CDH13: variants seen among roughly 807,000 people sequenced by gnomAD.
CDH13 encodes cadherin-13.
In CDH13, 24 loss-of-function variants were observed where a neutral mutation model predicts 63.8. The ratio of observed to expected loss-of-function variants is 0.38; its 90% CI spans 0.27 to 0.53. The LOEUF (loss-of-function observed/expected upper bound fraction) is 0.53, where lower values mean the gene tolerates loss of function less well. Among genes scored for constraint, CDH13 ranks in the 20% least tolerant of loss-of-function variants. The pLI, the probability that CDH13 is intolerant of heterozygous loss-of-function variation, is 0.85. For missense variants in CDH13, 1,049 were observed against 903.1 expected, an observed-to-expected ratio of 1.16 and a Z score of -2.07; for synonymous variants, 503 against 355.3, an observed-to-expected ratio of 1.42 and a Z score of -4.67.
chr16:83,185,081 A>G (rs891967651), intron 4 of CDH13, among the ~76,000 whole-genome samples: 7 of 152,104 alleles, frequency 4.6e-5, no homozygotes, highest in African/African-American at 1.4e-4. Flanking sequence ...GGCCGATACT[A>G]CTACTATCCC....
At chr16:82,822,826 T>C (rs2038065865) in intron 1 of CDH13, among the ~76,000 whole-genome samples, 1 of 152,346 alleles carries the variant, frequency 6.6e-6, no homozygotes, top group East Asian at 1.9e-4. Context: ...ATTAGTGCCT[T>C]AAAATGTCAA....
At chr16:83,566,690 C>T (rs1218528795) in intron 7 of CDH13, among the ~76,000 whole-genome samples, 3 of 152,200 alleles carry the variant, frequency 2.0e-5, no homozygotes, top group Non-Finnish European at 4.4e-5. Flanking sequence ...CAAAGCCCTG[C>T]TCTCCAGCTC....
At position 83,670,980 on chromosome 16, in the gene CDH13, T is replaced by A. The variant is rs1914449451; in HGVS notation, c.1284+8T>A. ...ATGCTTTCTGTTGTCAAAGTAAGGG[T>A]GCTTCCAATTGCCTCTTTCTCCTCA... On this transcript the variant is annotated splice_region_variant and intron_variant, in intron 9 of 13. Coordinates refer to ENST00000567109, the MANE Select transcript of CDH13 (RefSeq NM_001257.5). 6.4e-7 allele frequency: 1 copy of A among 1,572,758 alleles called. No homozygotes were observed. The highest frequency in any genetic ancestry group is 8.6e-7 in the Non-Finnish European group (1 of 1,157,126).
At chr16:82,885,081 G>A (rs996529199) in intron 2 of CDH13, among the ~76,000 whole-genome samples, 4 of 152,152 alleles carry the variant, frequency 2.6e-5, no homozygotes, top group African/African-American at 9.7e-5. Flanking sequence ...AGCAAGAGAA[G>A]GGGATGTTGT....
chr16:83,269,054 C>CTGTTGG (rs539373270), intron 5 of CDH13, among the ~76,000 whole-genome samples: 45 of 152,358 alleles, frequency 3.0e-4, no homozygotes, highest in African/African-American at 3.8e-4. Flanking sequence ...GACGCTTTTA[C>CTGTTGG]TGTTGGTGTT....
chr16:83,005,023 C>G (rs552035338), intron 2 of CDH13, among the ~76,000 whole-genome samples: 1 of 152,312 alleles, frequency 6.6e-6, no homozygotes, highest in South Asian at 2.1e-4. Flanking sequence ...GAAGTTTCTC[C>G]TAATGCTCCC....
chr16:82,675,585 A>G (rs1913804705), intron 1 of CDH13, among the ~76,000 whole-genome samples: 1 of 152,212 alleles, frequency 6.6e-6, no homozygotes, highest in Admixed American at 6.5e-5. Context: ...CTTTGGTTAA[A>G]GATGCTTTTC....
chr16:83,486,758 A>C, intron 7 of CDH13, 103 bp downstream of exon 7: 8 of 1,043,818 alleles, frequency 7.7e-6, no homozygotes, highest in Non-Finnish European at 1.1e-5. Context: ...TAATACTGTA[A>C]AGGCAGAAAT....
chr16:83,223,506 A>G (rs996975083), intron 5 of CDH13, among the ~76,000 whole-genome samples: 2 of 152,224 alleles, frequency 1.3e-5, no homozygotes, highest in Admixed American at 6.5e-5. Context: ...CAAAGAGTCA[A>G]GGTCGCTGCT....
intron 1 of CDH13, among the ~76,000 whole-genome samples, chr16:82,647,886 G>A (rs889532829): frequency 1.3e-4 from 20 of 152,138 alleles, no homozygotes; most frequent in Admixed American, 1.3e-3. Context: ...AGCTCCCATA[G>A]TCCCCATGTG....
intron 2 of CDH13, among the ~76,000 whole-genome samples, chr16:83,030,049 T>A (rs549145529): frequency 7.9e-5 from 12 of 152,222 alleles, no homozygotes; most frequent in African/African-American, 2.9e-4. Flanking sequence ...AGAATCACCA[T>A]TGAGGGGAGC....
At chr16:83,435,156 C>A (rs543268878) in intron 6 of CDH13, among the ~76,000 whole-genome samples, 2 of 151,768 alleles carry the variant, frequency 1.3e-5, no homozygotes, top group Non-Finnish European at 2.9e-5. Flanking sequence ...AAGTGATTCT[C>A]CTGCCTCAGC....
At chr16:83,163,672 T>C (rs2037542975) in intron 4 of CDH13, among the ~76,000 whole-genome samples, 1 of 152,040 alleles carries the variant, frequency 6.6e-6, no homozygotes, top group Non-Finnish European at 1.5e-5. Context: ...CTTGGTACCA[T>C]GGATGTGTTT....
chr16:83,564,020 A>G (rs540615180), intron 7 of CDH13, among the ~76,000 whole-genome samples: 7 of 152,288 alleles, frequency 4.6e-5, no homozygotes, highest in African/African-American at 9.6e-5. Context: ...CATCTGCAAA[A>G]TGGGGATGTA....
At chr16:82,907,468 C>T (rs534282632) in intron 2 of CDH13, among the ~76,000 whole-genome samples, 2 of 152,312 alleles carry the variant, frequency 1.3e-5, no homozygotes, top group East Asian at 3.9e-4. Context: ...TGAGGCTTGA[C>T]CCATCTATGA....
chr16:82,934,155 G>A (rs1002006158), intron 2 of CDH13, among the ~76,000 whole-genome samples: 2 of 152,242 alleles, frequency 1.3e-5, no homozygotes, highest in Non-Finnish European at 2.9e-5. Flanking sequence ...CTCTGCCCCT[G>A]CAGCAGACTT....
At chr16:82,697,764 T>A in intron 1 of CDH13, among the ~76,000 whole-genome samples, 1 of 150,974 alleles carries the variant, frequency 6.6e-6, no homozygotes, top group South Asian at 2.1e-4. Context: ...TGTGTGTGTG[T>A]GTGTGTGTGT....
At chr16:82,744,906 T>C (rs903975414) in intron 1 of CDH13, among the ~76,000 whole-genome samples, 2 of 152,162 alleles carry the variant, frequency 1.3e-5, no homozygotes, top group African/African-American at 2.4e-5. Flanking sequence ...CCCCAGAGCC[T>C]GTGGCCACCA....
At position 83,798,136 on chromosome 16, in the gene CDH13, C is replaced by T. The variant is rs963141742; in HGVS notation, c.*3106C>T. 2.6e-4 allele frequency: 39 copies of T among 152,200 alleles called. No individual in the cohort carries two copies. Among genetic ancestry groups the T allele is most frequent in the Non-Finnish European group, 1.0e-4 (7 of 68,036 alleles). 9.4% of individuals were successfully genotyped at this position (152,200 alleles called of 1,614,324 possible). A position where few individuals can be genotyped will look rare whatever the true frequency, so the allele number is the denominator to read the frequency against. ...AGCTCATTCCAGAGTTTCAGAATGT[C>T]ATTTAAAACAGTCTGATAAATGGAA... On this transcript the variant is annotated 3_prime_UTR_variant, in exon 14 of 14. Coordinates refer to ENST00000567109, the MANE Select transcript of CDH13 (RefSeq NM_001257.5).
Sources: gnomAD v4.1 joint callset for allele counts (sites outside exome capture counted in the v4.1 genomes callset) on GRCh38, gnomAD v4.1.1 for gene constraint, MANE v1.5 for transcripts, NCBI Gene and HGNC (gene_info 2026-07-23, HGNC 2026-07-21) for gene names.